Variants in RBBP8NL observed in about 807,000 individuals in gnomAD.
RBBP8NL encodes the protein RBBP8 N-terminal-like protein.
A neutral mutation model predicts 62.2 loss-of-function variants in RBBP8NL; 59 were observed. The observed-to-expected ratio is 0.95, with a 90% CI of 0.77 to 1.18. The LOEUF is 1.18. RBBP8NL is among the 50% of genes most tolerant of loss of function. RBBP8NL has a pLI of 0.00. For synonymous variants in RBBP8NL, 412 were observed against 394.1 expected (o/e 1.05, Z -0.54); for missense variants, 896 against 899.5 (o/e 1.00, Z 0.05).
intron 9 of RBBP8NL, among the ~76,000 whole-genome samples, 196 bp downstream of exon 9, chr20:62,414,925 C>T (rs368474418): frequency 9.8e-5 from 15 of 152,362 alleles, no homozygotes; most frequent in African/African-American, 3.6e-4. Context: ...GTCCACATCC[C>T]CTGCCCCCAC....
At chr20:62,424,571 C>G (rs1191993464) in intron 1 of RBBP8NL, among the ~76,000 whole-genome samples, 4 of 152,198 alleles carry the variant, frequency 2.6e-5, no homozygotes, top group African/African-American at 9.7e-5. Context: ...CAGAACGGAA[C>G]AGAGCCCATC....
At chr20:62,425,705 C>T (rs368160605) in intron 1 of RBBP8NL, among the ~76,000 whole-genome samples, 1 of 152,244 alleles carries the variant, frequency 6.6e-6, no homozygotes, top group Non-Finnish European at 1.5e-5. Flanking sequence ...GCTCCAAGGA[C>T]GTCTGCCAGG....
At chr20:62,415,758 C>A in intron 7 of RBBP8NL, 30 bp downstream of exon 7, 2 of 1,610,226 alleles carry the variant, frequency 1.2e-6, no homozygotes, top group Non-Finnish European at 1.7e-6. Flanking sequence ...GGGGGCCCAG[C>A]CTCCCAGCCT....
intron 3 of RBBP8NL, among the ~76,000 whole-genome samples, chr20:62,417,995 TCTG>T (rs1200200129): frequency 6.7e-6 from 1 of 149,596 alleles, no homozygotes; most frequent in Non-Finnish European, 1.5e-5. Context: ...CCCCCTGTCA[TCTG>T]CACGCTCCTC....
intron 13 of RBBP8NL, among the ~76,000 whole-genome samples, chr20:62,411,342 C>A (rs1381959646): frequency 6.6e-6 from 1 of 152,210 alleles, no homozygotes; most frequent in Non-Finnish European, 1.5e-5. Context: ...CGGGCTAGGG[C>A]CACATGGGAG....
At chr20:62,419,761 G>A (rs1158866032) in intron 1 of RBBP8NL, 31 bp from the exon 2 acceptor site, 10 of 1,142,570 alleles carry the variant, frequency 8.8e-6, no homozygotes, top group African/African-American at 3.1e-5. Context: ...ACAGGGATCC[G>A]CTCAGGAAGG....
intron 3 of RBBP8NL, among the ~76,000 whole-genome samples, chr20:62,417,544 TCCCG>T (rs1319616545): frequency 2.9e-5 from 2 of 69,224 alleles, no homozygotes; most frequent in South Asian, 9.5e-4. Flanking sequence ...GTGACGTCTG[TCCCG>T]TCCACGCAAC....
chr20:62,414,492 C>T lies in RBBP8NL; in HGVS notation c.859G>A (p.Asp287Asn). The T allele has an allele frequency of 1.4e-6, 2 of 1,462,002 alleles. No individual in the cohort carries two copies. The highest frequency in any genetic ancestry group is 1.8e-4 in the Middle Eastern group (1 of 5,410). 90.6% of individuals were successfully genotyped at this position (1,462,002 alleles called of 1,614,324 possible). Reference protein sequence around the residue: ...HEAPKLSPKVDRLCLLNRPLS... With the variant: ...HEAPKLSPKVNRLCLLNRPLS... Reference sequence around the variant, plus strand: ...GGGCGGTTTAGGAGGCAGAGCCGGTCCACCTTCGGGGAGAGCTTCGGGGCC... The same window carrying T: ...GGGCGGTTTAGGAGGCAGAGCCGGTTCACCTTCGGGGAGAGCTTCGGGGCC... The change falls in exon 10 of 14, where the codon GAC becomes AAC. Residue 287 changes from aspartate to asparagine, a missense_variant. Physicochemically the swap from Asp to Asn is conservative, Grantham distance 23. Transcript: ENST00000252998.
intron 9 of RBBP8NL, among the ~76,000 whole-genome samples, 192 bp downstream of exon 9, chr20:62,414,929 C>T (rs1174537150): frequency 2.0e-5 from 3 of 152,244 alleles, no homozygotes; most frequent in Non-Finnish European, 4.4e-5. Context: ...ACATCCCCTG[C>T]CCCCACGCCC....
chr20:62,421,489 ATG>A (rs1431466966), intron 1 of RBBP8NL, among the ~76,000 whole-genome samples: 2 of 121,000 alleles, frequency 1.7e-5, no homozygotes, highest in Non-Finnish European at 3.3e-5. Flanking sequence ...GTCAGTGTGC[ATG>A]TGTGTGCTGT....
At chr20:62,416,649 T>C (rs760116942) in intron 5 of RBBP8NL, 111 bp downstream of exon 5, 3 of 716,256 alleles carry the variant, frequency 4.2e-6, no homozygotes, top group Non-Finnish European at 7.2e-6. Context: ...CCCAGTGGTG[T>C]GGGGCCGATC....
Position 62,412,865 on chromosome 20 carries a change from C to G in RBBP8NL, c.1711G>C (p.Asp571His), listed in dbSNP as rs768351083. Residue 571 changes from aspartate to histidine, a missense_variant, in exon 12 of 14, where the codon GAC becomes CAC. By Grantham distance (81) the Asp-to-His change is moderately conservative. Transcript: ENST00000252998. Reference protein sequence around the residue: ...SKAEVLRPESDELDETDTPGS... With the variant: ...SKAEVLRPESHELDETDTPGS... ...GGGGTGTCTGTCTCATCCAGTTCGT[C>G]GGACTCTGGTCTCAGCACTTCAGCC... is the stretch of plus-strand genomic sequence containing the variant. The G allele has an allele frequency of 1.9e-6, 3 of 1,613,382 alleles. No individual in the cohort carries two copies. Among genetic ancestry groups the G allele is most frequent in the Admixed American group, 3.3e-5 (2 of 60,010 alleles).
chr20:62,424,490 G>A (rs968626583), intron 1 of RBBP8NL, among the ~76,000 whole-genome samples: 1 of 152,182 alleles, frequency 6.6e-6, no homozygotes, highest in Admixed American at 6.5e-5. Context: ...GCAGTGAGGT[G>A]CTACTGGTGC....
chr20:62,416,283 A>AGG, intron 5 of RBBP8NL, 47 bp from the exon 6 acceptor site: 2 of 110,670 alleles, frequency 1.8e-5, no homozygotes, highest in Admixed American at 2.5e-4. Flanking sequence ...TGGGGGGGAC[A>AGG]GGGGCAGGGG....
In RBBP8NL at chr20:62,416,788, C is replaced by T; in HGVS notation, c.285G>A (p.Leu95=). Residue 95 remains leucine (L), a synonymous_variant, in exon 5 of 14, where the codon CTG becomes CTA. Coordinates refer to ENST00000252998, the MANE Select transcript of RBBP8NL (RefSeq NM_080833.3). ...KRQQEFESSH[L]QNLQRIFILT... is the part of the protein sequence containing the mutation. ...GGATGAAGATGCGCTGCAGGTTCTGCAGGTGGGAGCTCTCGAACTCCTGCT... is the reference window on the plus strand; with the variant it reads ...GGATGAAGATGCGCTGCAGGTTCTGTAGGTGGGAGCTCTCGAACTCCTGCT... 6.3e-7 allele frequency: 1 copy of T among 1,590,004 alleles called. No homozygotes were observed. The highest frequency in any genetic ancestry group is 1.7e-5 in the Admixed American group (1 of 57,236).
chr20:62,417,290 G>T lies in RBBP8NL; in HGVS notation c.134C>A (p.Ser45Tyr). 1 of 1,604,466 alleles carries T rather than the reference G, an allele frequency of 6.2e-7. No homozygotes were observed. Among genetic ancestry groups the T allele is most frequent in the Non-Finnish European group, 8.5e-7 (1 of 1,175,720 alleles). Residue 45 changes from serine to tyrosine, a missense_variant, in exon 4 of 14, where the codon TCC (serine) becomes TAC (tyrosine). Transcript: ENST00000252998. Reference protein sequence around the residue: ...RDAQRIEELFSKNHQLREQQK... With the variant: ...RDAQRIEELFYKNHQLREQQK... ...CTGTTCCCGGAGCTGGTGGTTCTTG[G>T]AGAAGAGCTCCTCGATCCTCTGGGC...
At chr20:62,415,077 GC>G (rs763763369) in intron 9 of RBBP8NL, 43 bp downstream of exon 9, 2 of 1,427,594 alleles carry the variant, frequency 1.4e-6, no homozygotes, top group Non-Finnish European at 9.2e-7. Context: ...TGAGAGAAGA[GC>G]TCATCTGAGG....
Position 62,415,261 on chromosome 20 carries a change from C to T in RBBP8NL, c.654G>A (p.Leu218=), listed in dbSNP as rs1308126390. ...DMSPQRISNQ[L]HGTIAVVRPG... ...GCCGCACCACGGCAATGGTCCCGTG[C>T]AGCTGGTTGGAGATGCGCTGGGGGC... is the stretch of plus-strand genomic sequence containing the variant. Residue 218 remains leucine (L), a synonymous_variant, in exon 9 of 14, where the codon CTG becomes CTA. Coordinates refer to ENST00000252998, the MANE Select transcript of RBBP8NL (RefSeq NM_080833.3). 1 of 1,571,490 alleles carries T rather than the reference C, an allele frequency of 6.4e-7. No individual in the cohort carries two copies.
chr20:62,416,662 C>T (rs1988573670), intron 5 of RBBP8NL, 98 bp downstream of exon 5: 8 of 793,206 alleles, frequency 1.0e-5, no homozygotes, highest in Non-Finnish European at 1.7e-5. Flanking sequence ...GGCCGATCGT[C>T]CTGCCTCCTT....
Sources: gnomAD v4.1 joint callset for allele counts (sites outside exome capture counted in the v4.1 genomes callset) on GRCh38, gnomAD v4.1.1 for gene constraint, MANE v1.5 for transcripts, NCBI Gene and HGNC (gene_info 2026-07-23, HGNC 2026-07-21) for gene names.